LRRC1: variants seen among roughly 807,000 people sequenced by gnomAD.
LRRC1 encodes the protein leucine rich repeat containing 1.
In LRRC1, 28 loss-of-function variants were observed where a neutral mutation model predicts 69.9. That is an observed-to-expected ratio of 0.40 (90% confidence interval 0.30 to 0.55). LRRC1 has a LOEUF of 0.55. LRRC1 is among the 20% of genes least tolerant of loss of function. The pLI, the probability that LRRC1 is intolerant of heterozygous loss-of-function variation, is 0.47. For missense variants in LRRC1, 498 were observed against 609.0 expected (o/e 0.82, Z 1.92); for synonymous variants, 236 against 240.2 (o/e 0.98, Z 0.16).
At chr6:53,837,080 T>C (rs538473795) in intron 1 of LRRC1, among the ~76,000 whole-genome samples, 5 of 152,198 alleles carry the variant, frequency 3.3e-5, no homozygotes, top group Admixed American at 1.3e-4. Flanking sequence ...TGTGTAGAAT[T>C]TCATTGTAAT....
At chr6:53,848,929 G>A (rs1206689270) in intron 2 of LRRC1, among the ~76,000 whole-genome samples, 1 of 151,508 alleles carries the variant, frequency 6.6e-6, no homozygotes, top group Non-Finnish European at 1.5e-5. Flanking sequence ...GGCTAATTTT[G>A]TGTTTTTAGT....
chr6:53,883,807 AAGAC>A (rs1328601668), intron 4 of LRRC1: 2 of 663,894 alleles, frequency 3.0e-6, no homozygotes, highest in Admixed American at 2.3e-5. Flanking sequence ...CGTAAGTTCT[AAGAC>A]AGAACAGAAA....
intron 4 of LRRC1, among the ~76,000 whole-genome samples, chr6:53,887,805 A>G (rs753585367): frequency 3.3e-5 from 5 of 152,196 alleles, no homozygotes; most frequent in Non-Finnish European, 7.3e-5. Flanking sequence ...AAGTTGGGGT[A>G]TAATTAAGTG....
chr6:53,799,593 A>G (rs557839995), intron 1 of LRRC1, among the ~76,000 whole-genome samples: 7 of 152,132 alleles, frequency 4.6e-5, no homozygotes, highest in African/African-American at 7.2e-5. Flanking sequence ...GACACCTTTG[A>G]TTGCCTTATC....
chr6:53,892,021 C>T (rs1174329878), intron 4 of LRRC1, among the ~76,000 whole-genome samples: 56 of 149,932 alleles, frequency 3.7e-4, no homozygotes, highest in East Asian at 1.2e-3. Context: ...TACACACACA[C>T]ACACACACAC....
rs1278813288 is a variant in LRRC1 at position 53,795,070 on chromosome 6, A to G, written c.-187A>G. On this transcript the variant is annotated 5_prime_UTR_variant, in exon 1 of 14. Coordinates refer to ENST00000370888, the MANE Select transcript of LRRC1 (RefSeq NM_018214.5). ...GCGGGCGGGGGTACAGGGACGGGGC[A>G]GGGGCTCCCGCTCCAGGTTCCTTGA... 5.5e-6 allele frequency: 3 copies of G among 545,110 alleles called. No homozygotes were observed. Among genetic ancestry groups the G allele is most frequent in the Non-Finnish European group, 9.5e-6 (3 of 316,118 alleles). The allele number at this position is 545,110 out of a possible 1,614,324, so 33.8% of individuals were successfully genotyped here. A position where few individuals can be genotyped will look rare whatever the true frequency, so the allele number is the denominator to read the frequency against.
intron 2 of LRRC1, among the ~76,000 whole-genome samples, chr6:53,856,398 G>A (rs747374999): frequency 6.6e-6 from 1 of 152,158 alleles, no homozygotes; most frequent in Non-Finnish European, 1.5e-5. Flanking sequence ...TGTCTCAGAG[G>A]TATTCCTGAA....
chr6:53,835,953 G>C (rs892953540), intron 1 of LRRC1, among the ~76,000 whole-genome samples: 2 of 152,108 alleles, frequency 1.3e-5, no homozygotes, highest in African/African-American at 4.8e-5. Flanking sequence ...GGCCGACTTT[G>C]TGACTTGCTT....
At chr6:53,830,047 G>A (rs1199731161) in intron 1 of LRRC1, among the ~76,000 whole-genome samples, 1 of 152,234 alleles carries the variant, frequency 6.6e-6, no homozygotes, top group African/African-American at 2.4e-5. Flanking sequence ...CAAGCACACT[G>A]TATTTTAAGA....
At chr6:53,884,139 G>A in intron 4 of LRRC1, 2 of 618,372 alleles carry the variant, frequency 3.2e-6, no homozygotes, top group South Asian at 1.9e-5. Flanking sequence ...AGAGAAAACA[G>A]TGGTATTTTA....
intron 1 of LRRC1, among the ~76,000 whole-genome samples, 199 bp from the exon 2 acceptor site, chr6:53,841,911 A>G (rs186739889): frequency 1.3e-5 from 2 of 152,350 alleles, no homozygotes; most frequent in East Asian, 3.9e-4. Flanking sequence ...GTTCAAAAAT[A>G]GTACTGAGAG....
chr6:53,879,084 C>G lies in LRRC1; in HGVS notation c.356+13C>G. The G allele has an allele frequency of 1.3e-6, 2 of 1,594,620 alleles. No individual in the cohort carries two copies. Among genetic ancestry groups the G allele is most frequent in the Non-Finnish European group, 1.7e-6 (2 of 1,163,570 alleles). On this transcript the variant is annotated intron_variant, in intron 3 of 13. Coordinates refer to ENST00000370888, the MANE Select transcript of LRRC1 (RefSeq NM_018214.5). Reference sequence around the variant, plus strand: ...ACCCACTGACTAGGTAAGCTTTCTGCTTACTTTTCTGTCTATACTAGTAAG... The same window carrying G: ...ACCCACTGACTAGGTAAGCTTTCTGGTTACTTTTCTGTCTATACTAGTAAG...
At chr6:53,897,455 A>T in intron 7 of LRRC1, 96 bp downstream of exon 7, 1 of 892,504 alleles carries the variant, frequency 1.1e-6, no homozygotes. Context: ...CTATAAAAGG[A>T]TCTTGAAAAC....
chr6:53,795,503 G>A, intron 1 of LRRC1, 88 bp downstream of exon 1: 1 of 1,366,814 alleles, frequency 7.3e-7, no homozygotes, highest in Non-Finnish European at 9.7e-7. Context: ...TTCCATCTCC[G>A]GGTCCGGCGT....
intron 10 of LRRC1, among the ~76,000 whole-genome samples, chr6:53,908,429 T>A (rs1386613963): frequency 6.6e-6 from 1 of 152,198 alleles, no homozygotes; most frequent in Non-Finnish European, 1.5e-5. Context: ...TGATAGAATA[T>A]TCATTTTGTG....
intron 1 of LRRC1, among the ~76,000 whole-genome samples, chr6:53,811,424 C>T (rs941538747): frequency 1.3e-5 from 2 of 152,176 alleles, no homozygotes; most frequent in Admixed American, 6.5e-5. Flanking sequence ...TGTCATTAGT[C>T]ATGTTGAGAG....
intron 7 of LRRC1, 103 bp from the exon 8 acceptor site, chr6:53,899,644 T>G: frequency 1.7e-6 from 2 of 1,165,848 alleles, no homozygotes; most frequent in Non-Finnish European, 2.4e-6. Flanking sequence ...GATAACATCC[T>G]TAGGACCGCC....
intron 4 of LRRC1, chr6:53,884,209 T>C (rs1767394382): frequency 1.8e-6 from 1 of 555,460 alleles, no homozygotes; most frequent in Non-Finnish European, 3.2e-6. Context: ...ATATTTATAA[T>C]GTAACAATTT....
At chr6:53,838,349 T>C (rs1765671497) in intron 1 of LRRC1, among the ~76,000 whole-genome samples, 1 of 152,230 alleles carries the variant, frequency 6.6e-6, no homozygotes, top group African/African-American at 2.4e-5. Context: ...GCTGGTAACA[T>C]GCAGAACCAA....
Sources: gnomAD v4.1 joint callset for allele counts (sites outside exome capture counted in the v4.1 genomes callset) on GRCh38, gnomAD v4.1.1 for gene constraint, MANE v1.5 for transcripts, NCBI Gene and HGNC (gene_info 2026-07-23, HGNC 2026-07-21) for gene names.